Variants in JAKMIP2 observed in about 807,000 individuals in gnomAD.
JAKMIP2 encodes janus kinase and microtubule-interacting protein 2.
A neutral mutation model predicts 115.0 loss-of-function variants in JAKMIP2; 25 were observed. That is an observed-to-expected ratio of 0.22 (90% CI 0.16 to 0.30). JAKMIP2 has a LOEUF of 0.30. JAKMIP2 is among the 10% of genes least tolerant of loss of function. The pLI is 1.00. For missense variants in JAKMIP2, 642 were observed against 957.6 expected, an observed-to-expected ratio of 0.67 and a Z score of 4.35; for synonymous variants, 334 against 343.6, an observed-to-expected ratio of 0.97 and a Z score of 0.31.
intron 1 of JAKMIP2, among the ~76,000 whole-genome samples, chr5:147,747,104 T>C (rs1241834789): frequency 6.6e-6 from 1 of 152,178 alleles, no homozygotes; most frequent in African/African-American, 2.4e-5. Flanking sequence ...ATTATTATTA[T>C]TATTTTTAAC....
chr5:147,688,287 A>AT (rs977458541), intron 1 of JAKMIP2, among the ~76,000 whole-genome samples: 2 of 152,158 alleles, frequency 1.3e-5, no homozygotes, highest in African/African-American at 4.8e-5. Flanking sequence ...TAGAAATCCC[A>AT]TTTTTTAGGG....
At chr5:147,658,667 G>A (rs1212454370) in intron 3 of JAKMIP2, among the ~76,000 whole-genome samples, 1 of 152,136 alleles carries the variant, frequency 6.6e-6, no homozygotes, top group African/African-American at 2.4e-5. Context: ...CCAGGGAGAT[G>A]AGAGTTCTGT....
At chr5:147,722,223 CTT>C (rs1332029659) in intron 1 of JAKMIP2, among the ~76,000 whole-genome samples, 3 of 152,150 alleles carry the variant, frequency 2.0e-5, no homozygotes, top group African/African-American at 7.2e-5. Flanking sequence ...TATTTTCCTT[CTT>C]GTTGCAGTTC....
At chr5:147,779,857 G>T (rs1755693515) in intron 1 of JAKMIP2, among the ~76,000 whole-genome samples, 1 of 152,096 alleles carries the variant, frequency 6.6e-6, no homozygotes, top group South Asian at 2.1e-4. Context: ...TACTTTTGGA[G>T]GTTTTGATGA....
intron 1 of JAKMIP2, among the ~76,000 whole-genome samples, chr5:147,702,645 A>G (rs1468422244): frequency 7.5e-5 from 10 of 133,586 alleles, no homozygotes; most frequent in African/African-American, 3.1e-4. Flanking sequence ...AGAAAGAAAG[A>G]AAGAAAGAAA....
At chr5:147,699,624 A>C (rs1017866231) in intron 1 of JAKMIP2, among the ~76,000 whole-genome samples, 3 of 152,174 alleles carry the variant, frequency 2.0e-5, no homozygotes, top group African/African-American at 2.4e-5. Flanking sequence ...CATAAAAAAA[A>C]CCCTAAAATT....
At chr5:147,594,094 G>C (rs1208465045) in intron 21 of JAKMIP2, among the ~76,000 whole-genome samples, 1 of 152,190 alleles carries the variant, frequency 6.6e-6, no homozygotes, top group African/African-American at 2.4e-5. Context: ...CTTACAGGCA[G>C]TCCAGGCAGT....
chr5:147,668,752 T>C (rs1468580537), intron 2 of JAKMIP2, among the ~76,000 whole-genome samples: 1 of 152,302 alleles, frequency 6.6e-6, no homozygotes, highest in East Asian at 1.9e-4. Flanking sequence ...CAGATACTAT[T>C]ATTGTCCCAT....
intron 1 of JAKMIP2, among the ~76,000 whole-genome samples, chr5:147,728,347 A>G (rs1561563094): frequency 6.6e-6 from 1 of 152,168 alleles, no homozygotes; most frequent in Non-Finnish European, 1.5e-5. Flanking sequence ...TTGCAATAAA[A>G]TGCATGGTAA....
rs184353637 is a variant in JAKMIP2, at chr5:147,684,049, G to T, written c.-148-12095C>A. Among the ~76,000 whole-genome samples the T allele has an allele frequency of 2.2e-3, 340 of 151,802 alleles. 2 individuals are homozygous for T. The highest frequency in any genetic ancestry group is 7.7e-3 in the African/African-American group (320 of 41,426). ...CACTGAGGATTCTTTTTTGAGTTTT[G>T]TCCCAGGGGTCAGTGCTCACCTACA... On this transcript the variant is annotated intron_variant, in intron 1 of 21. Coordinates refer to ENST00000616793, the MANE Select transcript of JAKMIP2 (RefSeq NM_001270941.2).
chr5:147,617,398 ATGATG>A (rs1243414135), intron 19 of JAKMIP2, among the ~76,000 whole-genome samples: 46 of 152,214 alleles, frequency 3.0e-4, no homozygotes, highest in Admixed American at 3.0e-3. Flanking sequence ...ATTAAATGAA[ATGATG>A]TAAGTAGAGT....
chr5:147,770,672 T>G (rs971735355), intron 1 of JAKMIP2, among the ~76,000 whole-genome samples: 4 of 152,116 alleles, frequency 2.6e-5, no homozygotes, highest in Non-Finnish European at 5.9e-5. Flanking sequence ...GAGGTGAAAT[T>G]CCTGTGAAAC....
intron 1 of JAKMIP2, among the ~76,000 whole-genome samples, chr5:147,706,774 C>T (rs1313390504): frequency 6.6e-6 from 1 of 152,098 alleles, no homozygotes; most frequent in African/African-American, 2.4e-5. Context: ...AACCAATATA[C>T]TGCAAATACA....
intron 1 of JAKMIP2, among the ~76,000 whole-genome samples, chr5:147,753,515 C>A (rs933090371): frequency 1.3e-5 from 2 of 152,188 alleles, no homozygotes; most frequent in African/African-American, 2.4e-5. Flanking sequence ...TGCCACCGAG[C>A]GTTGCTCTGT....
chr5:147,732,320 T>C (rs953960688), intron 1 of JAKMIP2, among the ~76,000 whole-genome samples: 1 of 152,198 alleles, frequency 6.6e-6, no homozygotes, highest in Non-Finnish European at 1.5e-5. Flanking sequence ...CCAAAATAAC[T>C]ATAAAAATGT....
intron 1 of JAKMIP2, among the ~76,000 whole-genome samples, chr5:147,744,038 CCTT>C (rs1283347528): frequency 1.3e-4 from 19 of 142,726 alleles, no homozygotes; most frequent in Non-Finnish European, 2.5e-4. Context: ...TTCCTTCCTT[CCTT>C]CCTTCCTTCC....
Position 147,629,731 on chromosome 5 carries a change from C to T in JAKMIP2, c.1891G>A (p.Asp631Asn). 1.2e-6 allele frequency: 2 copies of T among 1,612,342 alleles called. No homozygotes were observed. The highest frequency in any genetic ancestry group is 1.7e-6 in the Non-Finnish European group (2 of 1,179,116). The stretch of plus-strand genomic sequence containing the variant: ...AAGATATCAAGCTGCTTTATGAGAT[C>T]AGGGATGTTCACATCCTGCAAAATC... ...KEGVKDVNIP[D>N]LIKQLDILGD... The change falls in exon 15 of 22, where the codon GAT (aspartate) becomes AAT (asparagine). Residue 631 changes from aspartate to asparagine, a missense_variant. Asp to Asn is a conservative substitution (Grantham distance 23). Coordinates refer to ENST00000616793, the MANE Select transcript of JAKMIP2 (RefSeq NM_001270941.2).
intron 1 of JAKMIP2, among the ~76,000 whole-genome samples, chr5:147,694,945 A>G (rs1752036853): frequency 6.6e-6 from 1 of 152,192 alleles, no homozygotes; most frequent in Non-Finnish European, 1.5e-5. Flanking sequence ...TTAAGGTTCC[A>G]CACTGGAGGC....
chr5:147,651,285 T>C (rs1480882186), intron 3 of JAKMIP2, among the ~76,000 whole-genome samples: 1 of 152,226 alleles, frequency 6.6e-6, no homozygotes, highest in Non-Finnish European at 1.5e-5. Context: ...AAATATGCAT[T>C]TCTGCTAAGC....
Sources: gnomAD v4.1 joint callset for allele counts (sites outside exome capture counted in the v4.1 genomes callset) on GRCh38, gnomAD v4.1.1 for gene constraint, MANE v1.5 for transcripts, NCBI Gene and HGNC (gene_info 2026-07-23, HGNC 2026-07-21) for gene names.